CATSPERD: variants seen among roughly 807,000 people sequenced by gnomAD.
CATSPERD encodes the protein catsper channel auxiliary subunit delta, also known as cation channel sperm-associated auxiliary subunit delta.
CATSPERD carries 86 observed loss-of-function variants against 98.1 expected under a neutral mutation model. That is an observed-to-expected ratio of 0.88 (90% CI 0.74 to 1.05). The LOEUF is 1.05. Ranked by LOEUF, CATSPERD falls within the 50% of genes least tolerant of loss-of-function variation. The pLI, the probability that CATSPERD is intolerant of heterozygous loss-of-function variation, is 0.00. For synonymous variants in CATSPERD, 394 were observed against 390.2 expected, an observed-to-expected ratio of 1.01 and a Z score of -0.12; for missense variants, 995 against 1,005.7, an observed-to-expected ratio of 0.99 and a Z score of 0.14.
intron 13 of CATSPERD, among the ~76,000 whole-genome samples, chr19:5,755,727 C>A (rs909684404): frequency 6.6e-6 from 1 of 151,918 alleles, no homozygotes; most frequent in Non-Finnish European, 1.5e-5. Context: ...GAGCCAAGAT[C>A]GTGCCATTGC....
At chr19:5,722,295 G>A (rs542579851) in intron 1 of CATSPERD, among the ~76,000 whole-genome samples, 1 of 152,146 alleles carries the variant, frequency 6.6e-6, no homozygotes, top group African/African-American at 2.4e-5. Flanking sequence ...CTAATTTTTT[G>A]TGTTTTTAGT....
At chr19:5,730,791 T>G (rs912444887) in intron 4 of CATSPERD, among the ~76,000 whole-genome samples, 5 of 151,686 alleles carry the variant, frequency 3.3e-5, no homozygotes, top group African/African-American at 1.2e-4. Context: ...GGCAGGCGCA[T>G]CAGGAGGTCA....
chr19:5,766,301 A>AAG (rs2056538294), intron 17 of CATSPERD, 146 bp downstream of exon 17: 1 of 510,740 alleles, frequency 2.0e-6, no homozygotes, highest in South Asian at 2.8e-5. Context: ...AAAAAAAAAA[A>AAG]AAAATTAGGC....
intron 17 of CATSPERD, 26 bp downstream of exon 17, chr19:5,766,181 T>C (rs747079717): frequency 4.4e-5 from 70 of 1,604,322 alleles, no homozygotes; most frequent in Non-Finnish European, 5.8e-5. Flanking sequence ...CCGGGCACCA[T>C]GGCTCATTCC....
At position 5,778,690 on chromosome 19, in the gene CATSPERD, G is replaced by A; in HGVS notation, c.*14G>A. ...TCTGACCACTGAGGCCGGTCCACAGGGTCCCAACCCCTTGTCTTCAAATAA... is the reference window on the plus strand; with the variant it reads ...TCTGACCACTGAGGCCGGTCCACAGAGTCCCAACCCCTTGTCTTCAAATAA... On this transcript the variant is annotated 3_prime_UTR_variant, in exon 22 of 22. Transcript: ENST00000381624. The A allele has an allele frequency of 6.2e-7, 1 of 1,606,180 alleles. No homozygotes were observed. The highest frequency in any genetic ancestry group is 8.5e-7 in the Non-Finnish European group (1 of 1,175,910).
At chr19:5,773,100 TC>T in intron 20 of CATSPERD, 135 bp downstream of exon 20, 1 of 851,260 alleles carries the variant, frequency 1.2e-6, no homozygotes, top group Non-Finnish European at 1.8e-6. Context: ...ACGCCTGTAA[TC>T]CCAGCACTTT....
rs534531838 is a variant in CATSPERD, at chr19:5,757,599, A to ATT, written c.1279-223_1279-222dup. On this transcript the variant is annotated intron_variant, in intron 13 of 21. Coordinates refer to ENST00000381624, the MANE Select transcript of CATSPERD (RefSeq NM_152784.4). The stretch of plus-strand genomic sequence containing the variant: ...GGCGTGAGCCACCGCGCCTGGCCAA[A>ATT]TTTTTTTTTTTTTTTTTTTTTTGTA... 2.2e-3 allele frequency among the ~76,000 whole-genome samples: 198 copies of ATT among 91,814 alleles called. 3 individuals are homozygous for ATT. Among genetic ancestry groups the ATT allele is most frequent in the African/African-American group, 7.5e-3 (188 of 24,938 alleles). 60.2% of individuals were successfully genotyped at this position (91,814 alleles called of 152,430 possible). A position where few individuals can be genotyped will look rare whatever the true frequency, so the allele number is the denominator to read the frequency against.
chr19:5,772,559 A>G (rs914265543), intron 19 of CATSPERD: 1 of 510,372 alleles, frequency 2.0e-6, no homozygotes, highest in Non-Finnish European at 3.5e-6. Context: ...CCTGTTATCA[A>G]TGCTCAGTGC....
At chr19:5,722,921 G>A (rs971970983) in intron 1 of CATSPERD, among the ~76,000 whole-genome samples, 1 of 152,082 alleles carries the variant, frequency 6.6e-6, no homozygotes, top group East Asian at 1.9e-4. Context: ...GGGCGCGGGG[G>A]CTCACGCCTG....
At chr19:5,749,533 G>A (rs546559487) in intron 11 of CATSPERD, among the ~76,000 whole-genome samples, 1 of 152,172 alleles carries the variant, frequency 6.6e-6, no homozygotes, top group South Asian at 2.1e-4. Context: ...TTTTTCGAAG[G>A]CTAGAAATCA....
At chr19:5,729,301 T>C (rs938095254) in intron 3 of CATSPERD, among the ~76,000 whole-genome samples, 5 of 151,896 alleles carry the variant, frequency 3.3e-5, no homozygotes, top group Non-Finnish European at 5.9e-5. Flanking sequence ...GGTTTCAACA[T>C]GTTGGCCAGG....
At chr19:5,723,525 C>T (rs532392872) in intron 1 of CATSPERD, among the ~76,000 whole-genome samples, 10 of 139,472 alleles carry the variant, frequency 7.2e-5, no homozygotes, top group African/African-American at 2.7e-4. Context: ...AGTGCAATGG[C>T]GCCATCTCGG....
intron 17 of CATSPERD, among the ~76,000 whole-genome samples, chr19:5,767,288 G>T (rs2056556865): frequency 8.7e-6 from 1 of 115,006 alleles, no homozygotes; most frequent in Admixed American, 1.1e-4. Context: ...CTGCACTCCA[G>T]CCTGGTTGAC....
intron 3 of CATSPERD, among the ~76,000 whole-genome samples, chr19:5,729,563 G>T (rs1185268798): frequency 1.3e-5 from 2 of 152,070 alleles, no homozygotes; most frequent in Admixed American, 1.3e-4. Flanking sequence ...CACATTCCTG[G>T]TCTAAAACTA....
chr19:5,773,339 C>T (rs2056685627), intron 20 of CATSPERD, among the ~76,000 whole-genome samples: 1 of 152,106 alleles, frequency 6.6e-6, no homozygotes, highest in South Asian at 2.1e-4. Flanking sequence ...CTAGCAGGAA[C>T]CCCAATTCCT....
intron 18 of CATSPERD, among the ~76,000 whole-genome samples, chr19:5,769,974 A>T (rs1435680653): frequency 1.3e-5 from 2 of 151,782 alleles, no homozygotes; most frequent in Admixed American, 1.3e-4. Flanking sequence ...CTGTAGTCCC[A>T]GCTACTCAGG....
intron 7 of CATSPERD, among the ~76,000 whole-genome samples, chr19:5,742,180 A>G (rs565342495): frequency 9.6e-5 from 14 of 146,290 alleles, no homozygotes; most frequent in Admixed American, 8.1e-4. Flanking sequence ...GTGTGTATGT[A>G]TGTGAACGTG....
chr19:5,744,735 G>C (rs990158303), intron 8 of CATSPERD, among the ~76,000 whole-genome samples: 16 of 151,678 alleles, frequency 1.1e-4, no homozygotes, highest in African/African-American at 3.9e-4. Context: ...CGAGTAGCTG[G>C]GACTATGGGC....
chr19:5,743,964 C>T (rs532269343), intron 7 of CATSPERD, among the ~76,000 whole-genome samples: 5 of 152,042 alleles, frequency 3.3e-5, no homozygotes, highest in Non-Finnish European at 7.4e-5. Context: ...CAAGTTTTTG[C>T]CCCAAGTGTC....
Sources: gnomAD v4.1 joint callset for allele counts (sites outside exome capture counted in the v4.1 genomes callset) on GRCh38, gnomAD v4.1.1 for gene constraint, MANE v1.5 for transcripts, NCBI Gene and HGNC (gene_info 2026-07-23, HGNC 2026-07-21) for gene names.